ADAMTSL1: variants seen among roughly 807,000 people sequenced by gnomAD.
ADAMTSL1 encodes ADAMTS like 1.
A neutral mutation model predicts 201.8 loss-of-function variants in ADAMTSL1; 126 were observed. That is an observed-to-expected ratio of 0.62 (90% CI 0.54 to 0.72). The LOEUF (loss-of-function observed/expected upper bound fraction) is 0.72, where lower values mean the gene tolerates loss of function less well. Among genes scored for constraint, ADAMTSL1 ranks in the 30% least tolerant of loss-of-function variants. The pLI, the probability that ADAMTSL1 is intolerant of heterozygous loss-of-function variation, is 0.00. For missense variants in ADAMTSL1, 2,679 were observed against 2,277.8 expected, an observed-to-expected ratio of 1.18 and a Z score of -3.59; for synonymous variants, 1,121 against 903.4, an observed-to-expected ratio of 1.24 and a Z score of -4.32.
intron 14 of ADAMTSL1, among the ~76,000 whole-genome samples, chr9:18,717,134 C>T (rs7874890): frequency 0.81 from 119,042 of 147,194 alleles, 48,938 homozygotes; most frequent in Admixed American, 0.88. Context: ...TACCTAATGC[C>T]AGATGACAAG....
intron 14 of ADAMTSL1, among the ~76,000 whole-genome samples, chr9:18,713,128 C>A: frequency 6.6e-6 from 1 of 151,106 alleles, no homozygotes; most frequent in East Asian, 1.9e-4. Context: ...ACAACCGGTA[C>A]CAGCCGCTGC....
intron 1 of ADAMTSL1, among the ~76,000 whole-genome samples, chr9:18,500,899 C>T (rs745847156): frequency 1.3e-5 from 2 of 152,190 alleles, no homozygotes; most frequent in Non-Finnish European, 2.9e-5. Flanking sequence ...TCTCACATGA[C>T]ATTGCTGCTG....
At chr9:18,767,516 C>T (rs1429179876) in intron 16 of ADAMTSL1, among the ~76,000 whole-genome samples, 4 of 152,016 alleles carry the variant, frequency 2.6e-5, no homozygotes, top group East Asian at 1.9e-4. Flanking sequence ...AAGAGAAGGT[C>T]GAACCTAAAA....
chr9:18,606,770 C>CA (rs111660357), intron 4 of ADAMTSL1, among the ~76,000 whole-genome samples: 2 of 151,868 alleles, frequency 1.3e-5, no homozygotes, highest in Non-Finnish European at 2.9e-5. Context: ...CCTTCCCCCC[C>CA]AGTTTTCTTA....
At chr9:18,644,186 G>A (rs1286885518) in intron 7 of ADAMTSL1, among the ~76,000 whole-genome samples, 3 of 151,746 alleles carry the variant, frequency 2.0e-5, no homozygotes, top group African/African-American at 7.3e-5. Flanking sequence ...TGATATTAGT[G>A]TATAGAAATG....
chr9:18,168,074 A>G (rs996052734), intron 2 of ADAMTSL1, among the ~76,000 whole-genome samples: 1 of 151,960 alleles, frequency 6.6e-6, no homozygotes, highest in African/African-American at 2.4e-5. Flanking sequence ...CTGTAACTTC[A>G]TAAAGCTTTA....
chr9:18,206,053 CAAAAAAAAAAAAAAAA>C (rs71333031), intron 2 of ADAMTSL1, among the ~76,000 whole-genome samples: 4 of 54,354 alleles, frequency 7.4e-5, no homozygotes, highest in African/African-American at 1.8e-4. Context: ...GACTCCATCT[CAAAAAAAAAAAAAAAA>C]AAAAAAAAAA....
chr9:18,190,595 C>T (rs898632093), intron 2 of ADAMTSL1, among the ~76,000 whole-genome samples: 1 of 152,186 alleles, frequency 6.6e-6, no homozygotes, highest in African/African-American at 2.4e-5. Context: ...TGATTTCTCG[C>T]ACTGAGTCTA....
intron 2 of ADAMTSL1, among the ~76,000 whole-genome samples, chr9:18,191,620 C>G (rs1348280546): frequency 6.6e-6 from 1 of 152,176 alleles, no homozygotes; most frequent in Non-Finnish European, 1.5e-5. Flanking sequence ...AAGAAGACTT[C>G]TTCCCTGAAT....
At chr9:18,301,107 C>G (rs1024404343) in intron 2 of ADAMTSL1, among the ~76,000 whole-genome samples, 3 of 152,254 alleles carry the variant, frequency 2.0e-5, no homozygotes, top group Admixed American at 1.3e-4. Context: ...TCAATCGAAA[C>G]TTATTTCATC....
At chr9:18,158,204 G>A (rs1827237715) in intron 1 of ADAMTSL1, among the ~76,000 whole-genome samples, 1 of 151,824 alleles carries the variant, frequency 6.6e-6, no homozygotes, top group African/African-American at 2.4e-5. Context: ...AGCTGATTGA[G>A]CCTCTTCTGA....
At chr9:18,135,050 AT>A (rs1826103404) in intron 1 of ADAMTSL1, among the ~76,000 whole-genome samples, 1 of 152,146 alleles carries the variant, frequency 6.6e-6, no homozygotes, top group Admixed American at 6.6e-5. Context: ...TTCTTTTCTC[AT>A]TGTTGATAAT....
chr9:18,674,853 C>T (rs763345431), intron 9 of ADAMTSL1, among the ~76,000 whole-genome samples: 7 of 152,136 alleles, frequency 4.6e-5, no homozygotes, highest in Non-Finnish European at 8.8e-5. Flanking sequence ...CCATCTCCCA[C>T]TCTTGATGAA....
At chr9:18,472,709 C>G (rs1185184113), upstream of ADAMTSL1, among the ~76,000 whole-genome samples, 1 of 152,158 alleles carries the variant, frequency 6.6e-6, no homozygotes, top group Non-Finnish European at 1.5e-5. Flanking sequence ...TTTCATACCT[C>G]TTGTCAGTAT....
intron 15 of ADAMTSL1, among the ~76,000 whole-genome samples, chr9:18,741,449 T>C (rs1466625412): frequency 6.6e-6 from 1 of 152,220 alleles, no homozygotes; most frequent in Non-Finnish European, 1.5e-5. Flanking sequence ...AAGACTGGCC[T>C]TCCCAGGCAT....
intron 6 of ADAMTSL1, among the ~76,000 whole-genome samples, chr9:18,637,509 T>C (rs755791168): frequency 2.6e-4 from 39 of 152,152 alleles, no homozygotes; most frequent in Non-Finnish European, 3.7e-4. Flanking sequence ...GTCTCATAGA[T>C]TTCATAATTA....
chr9:18,111,029 A>G (rs754376073), intron 1 of ADAMTSL1, among the ~76,000 whole-genome samples: 8 of 152,148 alleles, frequency 5.3e-5, no homozygotes, highest in Non-Finnish European at 1.2e-4. Flanking sequence ...CTTCTCTAAA[A>G]TGATGCTCTC....
At chr9:18,639,481 G>A (rs1052052880) in intron 7 of ADAMTSL1, 70 bp downstream of exon 7, 2 of 1,549,030 alleles carry the variant, frequency 1.3e-6, no homozygotes. Context: ...TTCCTGAGCA[G>A]AGAGCGATTT....
chr9:18,370,379 G>C (rs923344275), intron 2 of ADAMTSL1, among the ~76,000 whole-genome samples: 2 of 151,988 alleles, frequency 1.3e-5, no homozygotes, highest in Admixed American at 1.3e-4. Context: ...TTTGAGTGAT[G>C]GGTTACTAGA....
Sources: allele counts gnomAD v4.1 joint callset (sites outside exome capture counted in the v4.1 genomes callset), GRCh38; gene constraint gnomAD v4.1.1; transcripts MANE v1.5; gene names NCBI Gene and HGNC (gene_info 2026-07-23, HGNC 2026-07-21).